ANO1: variants seen among roughly 807,000 people sequenced by gnomAD.
ANO1 encodes anoctamin-1.
ANO1 carries 59 observed loss-of-function variants against 124.0 expected under a neutral mutation model. The ratio of observed to expected loss-of-function variants is 0.48; its 90% CI spans 0.39 to 0.59. ANO1 has a LOEUF of 0.59. Among genes scored for constraint, ANO1 ranks in the 20% least tolerant of loss-of-function variants. ANO1 has a pLI of 0.00. For synonymous variants in ANO1, 529 were observed against 532.0 expected (o/e 0.99, Z 0.08); for missense variants, 1,059 against 1,328.0 (o/e 0.80, Z 3.15).
chr11:70,010,196 T>C (rs1265085076), intron 1 of ANO1, among the ~76,000 whole-genome samples: 1 of 140,806 alleles, frequency 7.1e-6, no homozygotes, highest in Non-Finnish European at 1.5e-5. Flanking sequence ...TATATATATA[T>C]ATCACATTTT....
chr11:70,002,461 CA>C (rs56246522), intron 1 of ANO1, among the ~76,000 whole-genome samples: 2,180 of 94,990 alleles, frequency 0.023, 74 homozygotes, highest in South Asian at 0.18. Context: ...GAGACTCCAC[CA>C]AAAAAAAAAA....
At chr11:70,152,843 A>G (rs928318128) in intron 13 of ANO1, among the ~76,000 whole-genome samples, 6 of 152,310 alleles carry the variant, frequency 3.9e-5, no homozygotes, top group Non-Finnish European at 5.9e-5. Flanking sequence ...GGCCCTCCCA[A>G]TGGGCTGGGG....
At chr11:70,163,239 C>G in intron 18 of ANO1, 44 bp from the exon 19 acceptor site, 1 of 1,601,926 alleles carries the variant, frequency 6.2e-7, no homozygotes, top group East Asian at 2.2e-5. Flanking sequence ...CCGAGCTGAG[C>G]CAGGGGCTCA....
intron 1 of ANO1, among the ~76,000 whole-genome samples, chr11:70,017,496 T>TTCCC (rs71046570): frequency 0.21 from 27,587 of 133,434 alleles, 3,072 homozygotes; most frequent in Admixed American, 0.23. Flanking sequence ...CCTCCTTTAC[T>TTCCC]TCCCTCCCTC....
intron 23 of ANO1, among the ~76,000 whole-genome samples, chr11:70,181,738 C>A (rs2048936471): frequency 6.6e-6 from 1 of 151,546 alleles, no homozygotes; most frequent in Non-Finnish European, 1.5e-5. Context: ...ACCAGCCTGG[C>A]CAACATAATG....
At chr11:70,163,140 C>A in intron 18 of ANO1, 143 bp from the exon 19 acceptor site, 10 of 773,090 alleles carry the variant, frequency 1.3e-5, no homozygotes, top group South Asian at 1.9e-5. Flanking sequence ...TTAGCAGATG[C>A]ACCAGGCAGG....
At chr11:70,060,856 G>A (rs1857556845) in intron 1 of ANO1, among the ~76,000 whole-genome samples, 1 of 152,156 alleles carries the variant, frequency 6.6e-6, no homozygotes, top group South Asian at 2.1e-4. Flanking sequence ...AAAAGGATGG[G>A]ACGAGTCAGG....
At chr11:70,006,903 C>T (rs1856502316) in intron 1 of ANO1, among the ~76,000 whole-genome samples, 1 of 152,074 alleles carries the variant, frequency 6.6e-6, no homozygotes, top group African/African-American at 2.4e-5. Flanking sequence ...CTCCTGACTT[C>T]AGGTGATCCG....
rs757227403 is a variant in ANO1 at position 70,161,146 on chromosome 11, CT to C, written c.1579-12del. ...GGTGGGCCCCCAACCAAGAGTGCCC[CT>C]TTCCCCCCTGCAGATTGCAGTGACG... On this transcript the variant is annotated splice_polypyrimidine_tract_variant and intron_variant, in intron 16 of 25. Transcript: ENST00000355303. The C allele has an allele frequency of 1.0e-4, 162 of 1,610,450 alleles. 1 individual carries two copies. The highest frequency in any genetic ancestry group is 1.7e-4 in the Middle Eastern group (1 of 6,008).
intron 11 of ANO1, among the ~76,000 whole-genome samples, chr11:70,136,366 C>T (rs1344464558): frequency 1.3e-5 from 2 of 152,210 alleles, no homozygotes; most frequent in Non-Finnish European, 2.9e-5. Flanking sequence ...TGCCTGGGTA[C>T]AGCATGGATG....
At chr11:70,110,787 C>T (rs2045746067) in intron 6 of ANO1, among the ~76,000 whole-genome samples, 1 of 152,246 alleles carries the variant, frequency 6.6e-6, no homozygotes, top group African/African-American at 2.4e-5. Context: ...AACGCCCCCG[C>T]CTGGCTGGGC....
chr11:70,007,340 G>C (rs1323981699), intron 1 of ANO1, among the ~76,000 whole-genome samples: 1 of 148,156 alleles, frequency 6.7e-6, no homozygotes, highest in African/African-American at 2.5e-5. Context: ...GCAGTGGCGC[G>C]ATCTCAGCTC....
At chr11:69,973,599 C>A in the ANO1 span, among the ~76,000 whole-genome samples, 164 of 152,242 alleles carry the variant, frequency 1.1e-3, no homozygotes, top group African/African-American at 3.6e-3. Context: ...CTTAGCCGGG[C>A]GCGGTGGCTC....
upstream of ANO1, among the ~76,000 whole-genome samples, chr11:70,076,582 G>A (rs1026501226): frequency 5.9e-5 from 9 of 152,188 alleles, no homozygotes; most frequent in African/African-American, 2.2e-4. Context: ...ATAATCCTCT[G>A]TACATGCGTG....
intron 14 of ANO1, among the ~76,000 whole-genome samples, chr11:70,154,895 G>C (rs1267925945): frequency 6.6e-6 from 1 of 152,222 alleles, no homozygotes; most frequent in Non-Finnish European, 1.5e-5. Context: ...GGATGTGCAC[G>C]CCCGGGTGCC....
intron 1 of ANO1, among the ~76,000 whole-genome samples, chr11:70,060,111 T>C (rs1555007532): frequency 1.3e-5 from 2 of 152,120 alleles, no homozygotes; most frequent in African/African-American, 4.8e-5. Flanking sequence ...GCATTGACAA[T>C]GAAAGAGCCT....
chr11:70,010,019 A>G, intron 1 of ANO1, among the ~76,000 whole-genome samples: 1 of 151,536 alleles, frequency 6.6e-6, no homozygotes, highest in Non-Finnish European at 1.5e-5. Context: ...GAGAACATAC[A>G]ATGTTTGGTT....
chr11:70,184,507 G>A (rs2049036034), intron 24 of ANO1, among the ~76,000 whole-genome samples: 1 of 152,102 alleles, frequency 6.6e-6, no homozygotes, highest in South Asian at 2.1e-4. Context: ...ATCTAAAGCT[G>A]GTAATGAGAA....
intron 21 of ANO1, among the ~76,000 whole-genome samples, chr11:70,167,671 C>T (rs1217297470): frequency 8.4e-6 from 1 of 118,562 alleles, no homozygotes; most frequent in Admixed American, 8.1e-5. Context: ...TGGTCCCCAG[C>T]CACAGTCCCC....
Sources: allele counts gnomAD v4.1 joint callset (sites outside exome capture counted in the v4.1 genomes callset), GRCh38; gene constraint gnomAD v4.1.1; transcripts MANE v1.5; gene names NCBI Gene and HGNC (gene_info 2026-07-23, HGNC 2026-07-21).